Variants in RUNX2 observed in about 807,000 individuals in gnomAD.
RUNX2 encodes the protein RUNX family transcription factor 2, also known as runt-related transcription factor 2.
Under a neutral mutation model 51.7 loss-of-function variants are expected in RUNX2, and 10 were observed. The ratio of observed to expected loss-of-function variants is 0.19; its 90% CI spans 0.12 to 0.33. The LOEUF is 0.33. RUNX2 is among the 10% of genes least tolerant of loss of function. The pLI is 1.00. For missense variants in RUNX2, 562 were observed against 691.3 expected, an observed-to-expected ratio of 0.81 and a Z score of 2.10; for synonymous variants, 276 against 273.6, an observed-to-expected ratio of 1.01 and a Z score of -0.09.
chr6:45,380,498 G>T (rs1797214002), intron 2 of RUNX2, among the ~76,000 whole-genome samples: 1 of 152,250 alleles, frequency 6.6e-6, no homozygotes, highest in African/African-American at 2.4e-5. Flanking sequence ...TGATTAGGTA[G>T]TAAGCCCACA....
At chr6:45,473,996 T>C (rs942167648) in intron 5 of RUNX2, among the ~76,000 whole-genome samples, 3 of 152,216 alleles carry the variant, frequency 2.0e-5, no homozygotes, top group Non-Finnish European at 4.4e-5. Flanking sequence ...AATGTCTGAA[T>C]TATTATCTGC....
intron 6 of RUNX2, 45 bp downstream of exon 6, chr6:45,492,159 TG>T (rs774686760): frequency 6.9e-6 from 11 of 1,600,132 alleles, no homozygotes. Flanking sequence ...GCTGGCAGGC[TG>T]GGGGTGAGGG....
At chr6:45,545,178 C>G in intron 7 of RUNX2, 39 bp from the exon 8 acceptor site, 1 of 1,461,698 alleles carries the variant, frequency 6.8e-7, no homozygotes, top group Non-Finnish European at 9.3e-7. Flanking sequence ...AACATTAGAG[C>G]TGGAAGGGAA....
intron 6 of RUNX2, among the ~76,000 whole-genome samples, chr6:45,501,026 T>C (rs1476473783): frequency 2.0e-5 from 3 of 152,076 alleles, no homozygotes; most frequent in Non-Finnish European, 4.4e-5. Context: ...TTCGTTCAGG[T>C]GGGAAGGGGA....
chr6:45,550,228 T>C lies in RUNX2; in HGVS notation c.*2923T>C, dbSNP rs1246526382. On this transcript the variant is annotated 3_prime_UTR_variant, in exon 9 of 9. Transcript: ENST00000647337. ...CAGTTGTCTCACAAATTTTAACCCA[T>C]ATCAGAGTTCCAGAACAGGTACCAC... 2 of 152,620 alleles carry C rather than the reference T, an allele frequency of 1.3e-5. No individual in the cohort carries two copies. The highest frequency in any genetic ancestry group is 4.8e-5 in the African/African-American group (2 of 41,468). 9.5% of individuals were successfully genotyped at this position (152,620 alleles called of 1,614,324 possible). A position where few individuals can be genotyped will look rare whatever the true frequency, so the allele number is the denominator to read the frequency against.
At chr6:45,498,096 C>T (rs777997750) in intron 6 of RUNX2, among the ~76,000 whole-genome samples, 17 of 152,184 alleles carry the variant, frequency 1.1e-4, no homozygotes, top group South Asian at 2.1e-4. Flanking sequence ...GTGGTAAATA[C>T]AGGAAGTAAA....
At position 45,422,749 on chromosome 6, in the gene RUNX2, A is replaced by AGGCGGC. The variant is rs746557318; in HGVS notation, c.225_230dup (p.Ala88_Ala89dup). ...CAGCAACAGCAGCAGCAGCAGCAGG[A>AGGCGGC]GGCGGCGGCGGCGGCTGCGGCGGCG... On this transcript the variant is annotated inframe_insertion, in exon 3 of 9. Transcript: ENST00000647337. 7 of 1,531,232 alleles carry AGGCGGC rather than the reference A, an allele frequency of 4.6e-6. No homozygotes were observed. Among genetic ancestry groups the AGGCGGC allele is most frequent in the Admixed American group, 2.1e-5 (1 of 48,170 alleles). 94.9% of individuals were successfully genotyped at this position (1,531,232 alleles called of 1,614,324 possible). A position where few individuals can be genotyped will look rare whatever the true frequency, so the allele number is the denominator to read the frequency against.
chr6:45,529,591 A>G (rs1050415027), intron 7 of RUNX2, among the ~76,000 whole-genome samples: 1 of 152,124 alleles, frequency 6.6e-6, no homozygotes, highest in African/African-American at 2.4e-5. Context: ...AGAGATTGGT[A>G]CAAGTACAAT....
rs34672680 is a variant in RUNX2, at chr6:45,414,754, C to CTTTTTTTTTTTTTTTTTTT, written c.59-7827_59-7809dup. Among the ~76,000 whole-genome samples the CTTTTTTTTTTTTTTTTTTT allele has an allele frequency of 9.0e-5, 3 of 33,448 alleles. 1 individual carries two copies. Among genetic ancestry groups the CTTTTTTTTTTTTTTTTTTT allele is most frequent in the African/African-American group, 2.2e-4 (2 of 9,238 alleles). The allele number at this position is 33,448 out of a possible 152,430, so 21.9% of individuals were successfully genotyped here. ...ATCTCTCCACCTTCCCAGATCCTGGCTTTTTTTTTTTTTTTTTTTTTTTTT... is the reference window on the plus strand; with the variant it reads ...ATCTCTCCACCTTCCCAGATCCTGGCTTTTTTTTTTTTTTTTTTTTTTTTTTTTTTTTTTTTTTTTTTTT... On this transcript the variant is annotated intron_variant, in intron 2 of 8. Transcript: ENST00000647337.
intron 2 of RUNX2, among the ~76,000 whole-genome samples, chr6:45,330,273 G>A (rs1584943939): frequency 1.3e-5 from 2 of 151,922 alleles, no homozygotes; most frequent in South Asian, 4.1e-4. Context: ...AAGGAAGCAG[G>A]ACATAAACAC....
intron 2 of RUNX2, among the ~76,000 whole-genome samples, chr6:45,337,216 A>G (rs1468107082): frequency 6.6e-6 from 1 of 151,730 alleles, no homozygotes; most frequent in Non-Finnish European, 1.5e-5. Context: ...GCAAGACTAA[A>G]AAGAATCACA....
In RUNX2 at chr6:45,538,167, G is replaced by A. The variant is rs201043009; in HGVS notation, c.1022-7050G>A. ...AATTTCTGCTTTTAATATAGACCAAGTTACCACTAGCGCAGGCCACAGGAA... is the reference window on the plus strand; with the variant it reads ...AATTTCTGCTTTTAATATAGACCAAATTACCACTAGCGCAGGCCACAGGAA... On this transcript the variant is annotated intron_variant, in intron 7 of 8. Transcript: ENST00000647337. Among the ~76,000 whole-genome samples, 5 of 152,102 alleles carry A rather than the reference G, an allele frequency of 3.3e-5. No homozygotes were observed. In the East Asian group the frequency reaches 9.6e-4, roughly 29 times the overall value.
At chr6:45,422,401 C>T in intron 2 of RUNX2, 192 bp from the exon 3 acceptor site, 1 of 611,280 alleles carries the variant, frequency 1.6e-6, no homozygotes, top group Non-Finnish European at 3.0e-6. Context: ...CTCTGTTGGC[C>T]CATCAGACTC....
At chr6:45,383,803 G>C (rs115556272) in intron 2 of RUNX2, among the ~76,000 whole-genome samples, 1 of 150,566 alleles carries the variant, frequency 6.6e-6, no homozygotes, top group Non-Finnish European at 1.5e-5. Context: ...AAGTTATTTG[G>C]TGTCATATAA....
At chr6:45,359,729 T>C (rs914622921) in intron 2 of RUNX2, among the ~76,000 whole-genome samples, 12 of 152,294 alleles carry the variant, frequency 7.9e-5, no homozygotes, top group African/African-American at 2.9e-4. Flanking sequence ...TATAGGAAAC[T>C]GCAACAAATG....
At chr6:45,332,748 C>G (rs1036506772) in intron 2 of RUNX2, among the ~76,000 whole-genome samples, 1 of 151,622 alleles carries the variant, frequency 6.6e-6, no homozygotes, top group African/African-American at 2.4e-5. Context: ...GCCATCAACT[C>G]AATGTGAAAA....
chr6:45,447,074 GACTTAAAT>G (rs1485626374), intron 5 of RUNX2, among the ~76,000 whole-genome samples: 1 of 152,200 alleles, frequency 6.6e-6, no homozygotes, highest in Non-Finnish European at 1.5e-5. Flanking sequence ...AGGTAACTCA[GACTTAAAT>G]TCTTATTAAG....
intron 5 of RUNX2, among the ~76,000 whole-genome samples, chr6:45,440,387 G>A (rs991064357): frequency 6.6e-6 from 1 of 152,196 alleles, no homozygotes; most frequent in Non-Finnish European, 1.5e-5. Flanking sequence ...TAAACAGTGA[G>A]TATAATAGGA....
chr6:45,407,847 A>G (rs1039087388), intron 2 of RUNX2, among the ~76,000 whole-genome samples: 3 of 152,124 alleles, frequency 2.0e-5, no homozygotes, highest in Non-Finnish European at 2.9e-5. Context: ...TAGAGTCTCA[A>G]TTAGTCATGC....
Sources: allele counts gnomAD v4.1 joint callset (sites outside exome capture counted in the v4.1 genomes callset), GRCh38; gene constraint gnomAD v4.1.1; transcripts MANE v1.5; gene names NCBI Gene and HGNC (gene_info 2026-07-23, HGNC 2026-07-21).